Variants in INSIG1 observed in about 807,000 individuals in gnomAD.
The protein encoded by INSIG1 is insulin induced gene 1.
Under a neutral mutation model 26.5 loss-of-function variants are expected in INSIG1, and 14 were observed. The observed-to-expected ratio is 0.53, with a 90% CI of 0.35 to 0.83. INSIG1 has a LOEUF of 0.83. Among genes scored for constraint, INSIG1 ranks in the 40% least tolerant of loss-of-function variants. The probability of loss-of-function intolerance (pLI) is 0.01; values close to 1 mark genes in which losing one functional copy is unlikely to be tolerated. For synonymous variants in INSIG1, 147 were observed against 153.3 expected (o/e 0.96, Z 0.30); for missense variants, 272 against 368.9 (o/e 0.74, Z 2.15).
rs778993971 is a variant in INSIG1 at position 155,298,459 on chromosome 7, C to T, written c.174C>T (p.Pro58=). The change falls in exon 2 of 6, where the codon CCC becomes CCT. Residue 58 remains proline (P), a synonymous_variant. Coordinates refer to ENST00000340368, the MANE Select transcript of INSIG1 (RefSeq NM_005542.6). ...LAAHGAPDAD[P]APRGRSAAMS... is the part of the protein sequence containing the mutation. ...CCCACGGTGCCCCGGACGCTGACCC[C>T]GCGCCCAGGGGCCGCAGTGCTGCGA... 1.3e-6 allele frequency: 2 copies of T among 1,556,932 alleles called. No individual in the cohort carries two copies. The highest frequency in any genetic ancestry group is 8.7e-7 in the Non-Finnish European group (1 of 1,152,316).
intron 1 of INSIG1, 61 bp from the exon 2 acceptor site, chr7:155,298,198 C>T: frequency 7.6e-7 from 1 of 1,311,008 alleles, no homozygotes; most frequent in Non-Finnish European, 9.8e-7. Context: ...GGTTCGCGTC[C>T]CGCGGGGCCT....
At chr7:155,307,907 TTTAG>T (rs903974626) in intron 5 of INSIG1, among the ~76,000 whole-genome samples, 2 of 152,212 alleles carry the variant, frequency 1.3e-5, no homozygotes, top group South Asian at 2.1e-4. Flanking sequence ...TAGATATTAA[TTTAG>T]TTAAACTTTC....
At chr7:155,303,784 A>G (rs764466138) in intron 5 of INSIG1, 1 of 1,163,050 alleles carries the variant, frequency 8.6e-7, no homozygotes, top group Non-Finnish European at 1.2e-6. Context: ...TTATCTTAGT[A>G]CCTCATGCTA....
intron 5 of INSIG1, among the ~76,000 whole-genome samples, 157 bp from the exon 6 acceptor site, chr7:155,308,084 C>T (rs553972734): frequency 6.6e-6 from 1 of 152,292 alleles, no homozygotes; most frequent in Non-Finnish European, 1.5e-5. Flanking sequence ...GCCTCGGTCT[C>T]CAGTTCTCTG....
intron 5 of INSIG1, among the ~76,000 whole-genome samples, chr7:155,306,823 C>A (rs1451893482): frequency 2.0e-5 from 3 of 152,228 alleles, no homozygotes; most frequent in African/African-American, 7.2e-5. Context: ...CACCTGCCTT[C>A]ACCCTGGAAG....
chr7:155,307,702 C>G (rs1385614028), intron 5 of INSIG1, among the ~76,000 whole-genome samples: 1 of 152,148 alleles, frequency 6.6e-6, no homozygotes, highest in Non-Finnish European at 1.5e-5. Context: ...AAAGCATGAC[C>G]TATTTCCAAT....
intron 5 of INSIG1, 59 bp from the exon 6 acceptor site, chr7:155,308,177 TTAAAA>T: frequency 1.2e-6 from 1 of 837,600 alleles, no homozygotes; most frequent in Middle Eastern, 2.3e-4. Context: ...TAATTGGTAA[TTAAAA>T]TATTTATACA....
At position 155,298,320 on chromosome 7, in the gene INSIG1, C is replaced by G. The variant is rs752068072; in HGVS notation, c.35C>G (p.Ser12Cys). The change falls in exon 2 of 6, where the codon TCC (serine) becomes TGC (cysteine). Residue 12 changes from serine to cysteine, a missense_variant. Ser to Cys is a moderately radical substitution (Grantham distance 112). Around this residue, in one of 2 missense-constraint regions of INSIG1, gnomAD observed 161 missense variants for 179.2 expected, o/e 0.90. Coordinates refer to ENST00000340368, the MANE Select transcript of INSIG1 (RefSeq NM_005542.6). Reference protein sequence around the residue: ...PRLHDHFWSCSCAHSARRRGP... With the variant: ...PRLHDHFWSCCCAHSARRRGP... The stretch of plus-strand genomic sequence containing the variant: ...TTGCACGACCACTTCTGGAGCTGCT[C>G]CTGTGCGCACAGCGCGAGGCGCCGA... The G allele has an allele frequency of 3.1e-5, 47 of 1,510,078 alleles. No homozygotes were observed. The highest frequency in any genetic ancestry group is 4.1e-5 in the Non-Finnish European group (47 of 1,137,994). 93.5% of individuals were successfully genotyped at this position (1,510,078 alleles called of 1,614,324 possible).
intron 2 of INSIG1, among the ~76,000 whole-genome samples, chr7:155,298,957 A>G (rs1797711125): frequency 6.6e-6 from 1 of 152,158 alleles, no homozygotes; most frequent in South Asian, 2.1e-4. Flanking sequence ...TGGCTGTTCA[A>G]GCAGGTGCTG....
At chr7:155,300,401 T>G (rs1187846515) in intron 2 of INSIG1, among the ~76,000 whole-genome samples, 1 of 152,114 alleles carries the variant, frequency 6.6e-6, no homozygotes, top group East Asian at 1.9e-4. Context: ...ACTCCAAAAT[T>G]AGAACCTGAT....
At chr7:155,303,847 T>C (rs750005581) in intron 5 of INSIG1, 2 of 1,366,128 alleles carry the variant, frequency 1.5e-6, no homozygotes, top group Non-Finnish European at 2.0e-6. Flanking sequence ...TGTGAGGAGT[T>C]GAATTTGAAG....
At position 155,308,522 on chromosome 7, in the gene INSIG1, G is replaced by T; in HGVS notation, c.*252G>T. ...CTGGAGCATTCTGCCCAGGCTACGT[G>T]GGTTCAGGCAGGTGGCAGCTTCCCA... is the stretch of plus-strand genomic sequence containing the variant. On this transcript the variant is annotated 3_prime_UTR_variant, in exon 6 of 6. Transcript: ENST00000340368. 2.0e-6 allele frequency: 1 copy of T among 510,248 alleles called. No homozygotes were observed. Among genetic ancestry groups the T allele is most frequent in the Non-Finnish European group, 3.6e-6 (1 of 278,864 alleles). The allele number at this position is 510,248 out of a possible 1,614,324, so 31.6% of individuals were successfully genotyped here. A position where few individuals can be genotyped will look rare whatever the true frequency, so the allele number is the denominator to read the frequency against.
At position 155,298,662 on chromosome 7, in the gene INSIG1, C is replaced by T; in HGVS notation, c.377C>T (p.Ala126Val). ...GTGATCGCCACCATCTTTTCCTCCG[C>T]CTGGTGGGTCCCTCCCTGCTGCGGG... ...EEVIATIFSS[A>V]WWVPPCCGTA... The change falls in exon 2 of 6, where the codon GCC (alanine) becomes GTC (valine). Residue 126 changes from alanine to valine, a missense_variant. This residue lies in a region of INSIG1 where 161 missense variants were observed against 179.2 expected (regional missense o/e 0.90). Transcript: ENST00000340368. The T allele has an allele frequency of 1.2e-6, 2 of 1,612,586 alleles. No homozygotes were observed. The highest frequency in any genetic ancestry group is 8.5e-7 in the Non-Finnish European group (1 of 1,179,972).
Position 155,298,501 on chromosome 7 carries a change from C to A in INSIG1, c.216C>A (p.Pro72=). Reference sequence around the variant, plus strand: ...GTGCTGCGATGAGCGGCCCCGAGCCCGGCAGCCCCTACCCCAACACCTGGC... The same window carrying A: ...GTGCTGCGATGAGCGGCCCCGAGCCAGGCAGCCCCTACCCCAACACCTGGC... The part of the protein sequence containing the change: ...GRSAAMSGPE[P]GSPYPNTWHH... Residue 72 remains proline (P), a synonymous_variant, in exon 2 of 6, where the codon CCC becomes CCA. Coordinates refer to ENST00000340368, the MANE Select transcript of INSIG1 (RefSeq NM_005542.6). 1 of 1,577,824 alleles carries A rather than the reference C, an allele frequency of 6.3e-7. No homozygotes were observed. Among genetic ancestry groups the A allele is most frequent in the East Asian group, 2.3e-5 (1 of 42,990 alleles).
chr7:155,304,555 G>A (rs186746502), intron 5 of INSIG1, among the ~76,000 whole-genome samples: 123 of 152,320 alleles, frequency 8.1e-4, no homozygotes, highest in Non-Finnish European at 1.2e-4. Context: ...ATATGTCAAG[G>A]CTTTTTAAAT....
At chr7:155,299,908 CT>C (rs1797738406) in intron 2 of INSIG1, among the ~76,000 whole-genome samples, 1 of 152,120 alleles carries the variant, frequency 6.6e-6, no homozygotes, top group Non-Finnish European at 1.5e-5. Flanking sequence ...CCTCAGTTGA[CT>C]CACTGAAAAC....
chr7:155,299,027 C>T (rs1248042889), intron 2 of INSIG1, among the ~76,000 whole-genome samples: 1 of 152,240 alleles, frequency 6.6e-6, no homozygotes, highest in Non-Finnish European at 1.5e-5. Context: ...AGCTGTCATC[C>T]CGCGCCAGCC....
intron 5 of INSIG1, among the ~76,000 whole-genome samples, chr7:155,305,639 C>T (rs376601755): frequency 5.3e-5 from 8 of 152,126 alleles, no homozygotes; most frequent in East Asian, 3.9e-4. Flanking sequence ...GAAGAGATTC[C>T]GAGGCTCAGT....
In INSIG1 at chr7:155,302,294, C is replaced by T; in HGVS notation, c.581C>T (p.Ala194Val). The T allele has an allele frequency of 6.2e-7, 1 of 1,600,966 alleles. No individual in the cohort carries two copies. The highest frequency in any genetic ancestry group is 8.5e-7 in the Non-Finnish European group (1 of 1,174,750). ...ANNVQLSLTL[A>V]ALSLGLWWTF... ...AATGTCCAGCTGTCCTTGACTTTAG[C>T]AGCCCTATCTTTGGGCCTTTGGTGG... is the stretch of plus-strand genomic sequence containing the variant. The change falls in exon 4 of 6, where the codon GCA becomes GTA. Residue 194 changes from alanine to valine, a missense_variant. Physicochemically the swap from Ala to Val is moderately conservative, Grantham distance 64 (BLOSUM62 0). Around this residue, in one of 2 missense-constraint regions of INSIG1, gnomAD observed 111 missense variants for 189.8 expected, o/e 0.58. Transcript: ENST00000340368. The surrounding 1 kb of genome is among the most constrained non-coding windows in gnomAD (Gnocchi z 4.3).
Sources: allele counts gnomAD v4.1 joint callset (sites outside exome capture counted in the v4.1 genomes callset), GRCh38; gene constraint gnomAD v4.1.1; regional missense constraint gnomAD v4.1.1; non-coding constraint Gnocchi (gnomAD v3.1); transcripts MANE v1.5; gene names NCBI Gene and HGNC (gene_info 2026-07-23, HGNC 2026-07-21).